ZMYND12: variants seen among roughly 807,000 people sequenced by gnomAD.
ZMYND12 encodes the protein zinc finger MYND-type containing 12.
In ZMYND12, 32 loss-of-function variants were observed where a neutral mutation model predicts 41.7. The observed-to-expected ratio is 0.77, with a 90% CI of 0.58 to 1.03. The LOEUF (loss-of-function observed/expected upper bound fraction) is 1.03. ZMYND12 is among the 50% of genes least tolerant of loss of function. The probability of loss-of-function intolerance (pLI) is 0.00; values close to 1 mark genes in which losing one functional copy is unlikely to be tolerated. For synonymous variants in ZMYND12, 148 were observed against 164.8 expected (o/e 0.90, Z 0.78); for missense variants, 424 against 438.5 (o/e 0.97, Z 0.30).
chr1:42,452,796 A>G (rs1165254046), intron 1 of ZMYND12, among the ~76,000 whole-genome samples: 1 of 152,244 alleles, frequency 6.6e-6, no homozygotes, highest in African/African-American at 2.4e-5. Context: ...ACTATAGAGC[A>G]ATATGCACAA....
chr1:42,436,638 TACA>T, intron 4 of ZMYND12, 95 bp from the exon 5 acceptor site: 1 of 1,425,502 alleles, frequency 7.0e-7, no homozygotes, highest in Non-Finnish European at 9.4e-7. Context: ...AAAAAACTGT[TACA>T]ACATTCCAAT....
intron 4 of ZMYND12, among the ~76,000 whole-genome samples, chr1:42,436,795 A>G (rs1446882085): frequency 6.6e-6 from 1 of 151,990 alleles, no homozygotes; most frequent in Non-Finnish European, 1.5e-5. Context: ...TAGGATGGCT[A>G]GAATCAAATA....
intron 7 of ZMYND12, 79 bp downstream of exon 7, chr1:42,433,064 G>T: frequency 6.3e-7 from 1 of 1,580,110 alleles, no homozygotes; most frequent in Non-Finnish European, 8.6e-7. Flanking sequence ...ATTGGAATTG[G>T]GCAAAACACA....
At position 42,443,027 on chromosome 1, in the gene ZMYND12, GA is replaced by G. The variant is rs1252372629; in HGVS notation, c.425-3003del. Among the ~76,000 whole-genome samples, 3 of 152,104 alleles carry G rather than the reference GA, an allele frequency of 2.0e-5. No homozygotes were observed. The East Asian group carries it at 5.8e-4, about 29-fold the overall frequency. ...CTCTTAACTAAGATTGTTTAGATGG[GA>G]AAAAAATGGGACAGGGCATTGACAA... On this transcript the variant is annotated intron_variant, in intron 3 of 7. Transcript: ENST00000372565.
chr1:42,435,951 T>C (rs1368488975), intron 5 of ZMYND12, among the ~76,000 whole-genome samples: 1 of 152,244 alleles, frequency 6.6e-6, no homozygotes, highest in Non-Finnish European at 1.5e-5. Flanking sequence ...TGTTACTATA[T>C]GGATACAGCT....
rs1643168136 is a variant in ZMYND12 at position 42,455,925 on chromosome 1, C to T, written c.73G>A (p.Glu25Lys). The T allele has an allele frequency of 6.2e-7, 1 of 1,613,712 alleles. No individual in the cohort carries two copies. Among genetic ancestry groups the T allele is most frequent in the Non-Finnish European group, 8.5e-7 (1 of 1,179,932 alleles). Residue 25 changes from glutamate (E) to lysine (K), a missense_variant, in exon 1 of 8, where the codon GAG (glutamate) becomes AAG (lysine). Transcript: ENST00000372565. ...ACTGTGCAGGCCGCGCACACCCGCT[C>T]GGCTGGGGCTTCGCACACCTCACAG... ...LCCEVCEAPA[E>K]RVCAACTVTY... is the part of the protein sequence containing the mutation.
chr1:42,437,876 A>T (rs146688863), intron 4 of ZMYND12, among the ~76,000 whole-genome samples: 34 of 152,288 alleles, frequency 2.2e-4, no homozygotes, highest in African/African-American at 7.0e-4. Flanking sequence ...GGGTTTCACC[A>T]TGTTAGTCAG....
intron 1 of ZMYND12, 41 bp downstream of exon 1, chr1:42,455,847 G>A (rs971260940): frequency 6.8e-7 from 1 of 1,469,974 alleles, no homozygotes; most frequent in Non-Finnish European, 9.4e-7. Flanking sequence ...GGGAGAGAGG[G>A]AGGGAGTTAT....
intron 1 of ZMYND12, among the ~76,000 whole-genome samples, chr1:42,451,264 T>C (rs554396432): frequency 1.3e-5 from 2 of 152,226 alleles, no homozygotes; most frequent in South Asian, 4.1e-4. Context: ...GGTAGGATAT[T>C]GAAGTCTTCA....
intron 1 of ZMYND12, among the ~76,000 whole-genome samples, chr1:42,453,703 A>T (rs959622646): frequency 8.2e-4 from 125 of 152,352 alleles, no homozygotes; most frequent in Non-Finnish European, 9.8e-4. Context: ...ATCTTTCCCA[A>T]GCCTGAGTGG....
intron 6 of ZMYND12, among the ~76,000 whole-genome samples, chr1:42,433,591 C>T (rs1642877497): frequency 6.6e-6 from 1 of 152,186 alleles, no homozygotes; most frequent in South Asian, 2.1e-4. Flanking sequence ...CTTTCGGAGT[C>T]CTGAACTCTA....
chr1:42,445,695 T>C (rs971232043), intron 3 of ZMYND12, among the ~76,000 whole-genome samples: 13 of 151,902 alleles, frequency 8.6e-5, no homozygotes, highest in African/African-American at 3.1e-4. Flanking sequence ...GACAAGGTGA[T>C]AGAATTGAGG....
chr1:42,443,283 G>T (rs1329728849), intron 3 of ZMYND12, among the ~76,000 whole-genome samples: 1 of 152,204 alleles, frequency 6.6e-6, no homozygotes. Context: ...TGACCAGTGA[G>T]TGCGTAAGTT....
At chr1:42,439,017 T>C (rs1256080586) in intron 4 of ZMYND12, among the ~76,000 whole-genome samples, 1 of 152,240 alleles carries the variant, frequency 6.6e-6, no homozygotes, top group Non-Finnish European at 1.5e-5. Flanking sequence ...GATAAGTGCT[T>C]TCTTATACAT....
chr1:42,448,342 G>A, intron 3 of ZMYND12, 125 bp downstream of exon 3: 1 of 1,164,812 alleles, frequency 8.6e-7, no homozygotes. Flanking sequence ...AAACTTTACA[G>A]CAACCCTGCT....
intron 4 of ZMYND12, among the ~76,000 whole-genome samples, chr1:42,437,764 C>T (rs572544457): frequency 6.6e-6 from 1 of 152,070 alleles, no homozygotes; most frequent in South Asian, 2.1e-4. Flanking sequence ...TCACTGCAAC[C>T]TCTGCCTCCC....
chr1:42,432,074 T>G (rs1163707689), intron 7 of ZMYND12, among the ~76,000 whole-genome samples: 3 of 150,112 alleles, frequency 2.0e-5, no homozygotes, highest in Admixed American at 6.6e-5. Flanking sequence ...TTTTTTTTTT[T>G]GAGACAGGAT....
intron 3 of ZMYND12, 52 bp from the exon 4 acceptor site, chr1:42,440,077 C>T: frequency 3.3e-6 from 5 of 1,522,718 alleles, no homozygotes; most frequent in Non-Finnish European, 4.4e-6. Context: ...CCAAAGAACA[C>T]ATGAGGAAAT....
intron 4 of ZMYND12, among the ~76,000 whole-genome samples, chr1:42,439,391 G>A (rs577551221): frequency 2.6e-5 from 4 of 152,086 alleles, no homozygotes; most frequent in South Asian, 2.1e-4. Context: ...TCAGCCTTCC[G>A]AGTATCTCGG....
Sources: gnomAD v4.1 joint callset for allele counts (sites outside exome capture counted in the v4.1 genomes callset) on GRCh38, gnomAD v4.1.1 for gene constraint, MANE v1.5 for transcripts, NCBI Gene and HGNC (gene_info 2026-07-23, HGNC 2026-07-21) for gene names.